The following RRAGC variants were observed in gnomAD, a reference collection of about 807,000 sequenced individuals.
RRAGC encodes the protein Ras related GTP binding C.
A neutral mutation model predicts 37.1 loss-of-function variants in RRAGC; 8 were observed. That is an observed-to-expected ratio of 0.22 (90% CI 0.13 to 0.39). The LOEUF is 0.39. RRAGC is among the 10% of genes least tolerant of loss of function. The pLI is 1.00. For synonymous variants in RRAGC, 190 were observed against 181.1 expected (o/e 1.05, Z -0.39); for missense variants, 342 against 497.6 (o/e 0.69, Z 2.98).
chr1:38,840,919 C>CTTG (rs1198736111), intron 6 of RRAGC, among the ~76,000 whole-genome samples: 9 of 150,660 alleles, frequency 6.0e-5, no homozygotes, highest in African/African-American at 2.2e-4. Context: ...AAATAAAAGA[C>CTTG]AATCAAGGAA....
chr1:38,855,628 C>A (rs1236148377), intron 3 of RRAGC, 80 bp downstream of exon 3: 29 of 1,126,772 alleles, frequency 2.6e-5, no homozygotes, highest in Non-Finnish European at 6.7e-6. Flanking sequence ...TAGCAGAAAG[C>A]TATGGTGTTT....
intron 5 of RRAGC, chr1:38,846,397 C>A (rs1642027898): frequency 1.6e-5 from 4 of 245,528 alleles, no homozygotes; most frequent in Admixed American, 1.2e-4. Flanking sequence ...CCAGGTGGGG[C>A]TACTCACCCC....
chr1:38,851,362 G>T, intron 5 of RRAGC: 1 of 283,750 alleles, frequency 3.5e-6, no homozygotes, highest in Non-Finnish European at 6.6e-6. Flanking sequence ...CACAACAGTG[G>T]GAGAAACTTG....
In RRAGC at chr1:38,855,829, C is replaced by G; in HGVS notation, c.520G>C (p.Glu174Gln). The G allele has an allele frequency of 6.2e-7, 1 of 1,613,920 alleles. No homozygotes were observed. The highest frequency in any genetic ancestry group is 8.5e-7 in the Non-Finnish European group (1 of 1,179,844). ...CCATCAACTTTGTGAATAAAAACCT[C>G]AAAATTCATGTCTGGGTTAACTTTG... is the stretch of plus-strand genomic sequence containing the variant. Reference protein sequence around the residue: ...AYKVNPDMNFEVFIHKVDGLS... With the variant: ...AYKVNPDMNFQVFIHKVDGLS... Residue 174 changes from glutamate to glutamine, a missense_variant, in exon 3 of 7, where the codon GAG becomes CAG. Physicochemically the swap from Glu to Gln is conservative, Grantham distance 29. Around this residue, in one of 3 missense-constraint regions of RRAGC, gnomAD observed 134 missense variants for 277.2 expected, o/e 0.48. Coordinates refer to ENST00000373001, the MANE Select transcript of RRAGC (RefSeq NM_022157.4).
At chr1:38,842,089 A>G (rs1641970591) in intron 6 of RRAGC, among the ~76,000 whole-genome samples, 1 of 152,096 alleles carries the variant, frequency 6.6e-6, no homozygotes, top group Non-Finnish European at 1.5e-5. Context: ...TGGCTAACAC[A>G]GTGAAACCCC....
intron 1 of RRAGC, among the ~76,000 whole-genome samples, chr1:38,858,555 G>A (rs1336641322): frequency 1.3e-5 from 2 of 152,126 alleles, no homozygotes; most frequent in African/African-American, 4.8e-5. Context: ...ATAATTAGCC[G>A]GGCGTGGTGG....
rs528508878 is a variant in RRAGC at position 38,859,490 on chromosome 1, C to T, written c.157G>A (p.Gly53Ser). 1 of 1,547,916 alleles carries T rather than the reference C, an allele frequency of 6.5e-7. No individual in the cohort carries two copies. The highest frequency in any genetic ancestry group is 2.0e-5 in the Admixed American group (1 of 50,992). The change falls in exon 1 of 7, where the codon GGT becomes AGT. Residue 53 changes from glycine (G) to serine (S), a missense_variant. Gly to Ser is a moderately conservative substitution (Grantham distance 56). Around this residue, in one of 3 missense-constraint regions of RRAGC, gnomAD observed 104 missense variants for 93.4 expected, o/e 1.11. Coordinates refer to ENST00000373001, the MANE Select transcript of RRAGC (RefSeq NM_022157.4). ...GVGAGAGGGC[G>S]PGGADSSKPR... ...TTGGAGCTGTCAGCGCCCCCCGGAC[C>T]ACAGCCACCGCCTGCCCCTGCCCCA...
chr1:38,856,633 C>T, intron 2 of RRAGC: 1 of 349,200 alleles, frequency 2.9e-6, no homozygotes, highest in Non-Finnish European at 5.1e-6. Context: ...AAGTGGAAAG[C>T]CAATGTTAGC....
Position 38,850,548 on chromosome 1 carries a change from A to G in RRAGC, c.899+1067T>C, listed in dbSNP as rs914197772. 3.3e-5 allele frequency among the ~76,000 whole-genome samples: 5 copies of G among 152,032 alleles called. No individual in the cohort carries two copies. The East Asian group carries it at 9.6e-4, about 29-fold the overall frequency. On this transcript the variant is annotated intron_variant, in intron 5 of 6. Coordinates refer to ENST00000373001, the MANE Select transcript of RRAGC (RefSeq NM_022157.4). ...TAAATAAATAAATAAATAAATAACA[A>G]AAGAGAGCATATAATCATAAAAGTT...
Position 38,839,417 on chromosome 1 carries a change from A to G in RRAGC, c.*136T>C. Reference sequence around the variant, plus strand: ...AGTTGAAGGGGTTTTCATCCAAATGAGAAACTCTACCCCTTGTCTCTAGTG... The same window carrying G: ...AGTTGAAGGGGTTTTCATCCAAATGGGAAACTCTACCCCTTGTCTCTAGTG... On this transcript the variant is annotated 3_prime_UTR_variant, in exon 7 of 7. Coordinates refer to ENST00000373001, the MANE Select transcript of RRAGC (RefSeq NM_022157.4). The G allele has an allele frequency of 1.2e-6, 1 of 827,330 alleles. No individual in the cohort carries two copies. The highest frequency in any genetic ancestry group is 1.7e-5 in the African/African-American group (1 of 58,454). The allele number at this position is 827,330 out of a possible 1,614,324, so 51.2% of individuals were successfully genotyped here.
chr1:38,856,665 G>T, intron 2 of RRAGC: 1 of 442,394 alleles, frequency 2.3e-6, no homozygotes, highest in East Asian at 3.5e-5. Context: ...TAGGACTCAA[G>T]GATGTAAACC....
rs769992874 is a variant in RRAGC at position 38,855,773 on chromosome 1, C to T, written c.576G>A (p.Gln192=). 17 of 1,613,976 alleles carry T rather than the reference C, an allele frequency of 1.1e-5. No homozygotes were observed. The highest frequency in any genetic ancestry group is 1.6e-4 in the Middle Eastern group (1 of 6,084). The change falls in exon 3 of 7, where the codon CAG becomes CAA. Residue 192 remains glutamine (Q), a synonymous_variant. Coordinates refer to ENST00000373001, the MANE Select transcript of RRAGC (RefSeq NM_022157.4). ...CATTGGCCCTTTGATGAATGTCCCTCTGTGTTTCTATTTTGTGATCATCAG... is the reference window on the plus strand; with the variant it reads ...CATTGGCCCTTTGATGAATGTCCCTTTGTGTTTCTATTTTGTGATCATCAG... ...GLSDDHKIET[Q]RDIHQRANDD... is the part of the protein sequence containing the mutation.
intron 5 of RRAGC, chr1:38,846,406 C>T (rs530539576): frequency 4.5e-6 from 1 of 221,976 alleles, no homozygotes; most frequent in Non-Finnish European, 8.7e-6. Context: ...GCTACTCACC[C>T]CCTAGACTGT....
Position 38,859,639 on chromosome 1 carries a change from A to C in RRAGC, c.8T>G (p.Leu3Arg). ...GGGCGTCTCCTCCGCCCCGTACTGC[A>C]GGGACATGGTGCTGGAGCCGCCGCC... MSLQYGAEETPLA... is the reference protein window; with the variant it reads MSRQYGAEETPLA... Residue 3 changes from leucine (L) to arginine (R), a missense_variant, in exon 1 of 7, where the codon CTG (leucine) becomes CGG (arginine). This residue lies in a region of RRAGC where 104 missense variants were observed against 93.4 expected (regional missense o/e 1.11). Coordinates refer to ENST00000373001, the MANE Select transcript of RRAGC (RefSeq NM_022157.4). 1 of 1,557,072 alleles carries C rather than the reference A, an allele frequency of 6.4e-7. No homozygotes were observed. Among genetic ancestry groups the C allele is most frequent in the Middle Eastern group, 2.0e-4 (1 of 5,044 alleles).
chr1:38,848,670 T>C (rs1160988465), intron 5 of RRAGC, among the ~76,000 whole-genome samples: 9 of 152,098 alleles, frequency 5.9e-5, no homozygotes, highest in African/African-American at 1.4e-4. Flanking sequence ...ATTAGGAAAA[T>C]ATGCTAATCT....
At chr1:38,854,530 G>A (rs1237032777) in intron 3 of RRAGC, among the ~76,000 whole-genome samples, 4 of 152,184 alleles carry the variant, frequency 2.6e-5, no homozygotes, top group Admixed American at 6.5e-5. Context: ...GAGCACTGGG[G>A]AACACAGGAC....
chr1:38,847,071 C>G (rs1642036494), intron 5 of RRAGC: 2 of 152,080 alleles, frequency 1.3e-5, no homozygotes, highest in South Asian at 4.1e-4. Context: ...GACTGTGCCA[C>G]TGCACTCCAG....
At position 38,854,781 on chromosome 1, in the gene RRAGC, G is replaced by C. The variant is rs532769527; in HGVS notation, c.641+927C>G. Among the ~76,000 whole-genome samples the C allele has an allele frequency of 1.1e-4, 16 of 152,318 alleles. No homozygotes were observed. In the South Asian group the frequency reaches 3.3e-3, roughly 32 times the overall value. The stretch of plus-strand genomic sequence containing the variant: ...GAAAGATCTTGGAGCCTGAGACCCA[G>C]AGAATTTTAGGGGGAGGGATAGCAG... On this transcript the variant is annotated intron_variant, in intron 3 of 6. Transcript: ENST00000373001.
chr1:38,859,738 A>ACCACCGCCACCGCCC lies in RRAGC; in HGVS notation c.-107_-93dup, dbSNP rs1642218221. The stretch of plus-strand genomic sequence containing the variant: ...CCAGTCCGCCTCCGCCGCCGCCGCC[A>ACCACCGCCACCGCCC]CCACCGCCACCGCCCCCGGCAGCCG... On this transcript the variant is annotated 5_prime_UTR_variant, in exon 1 of 7. Coordinates refer to ENST00000373001, the MANE Select transcript of RRAGC (RefSeq NM_022157.4). 5 of 1,083,998 alleles carry ACCACCGCCACCGCCC rather than the reference A, an allele frequency of 4.6e-6. No homozygotes were observed. The highest frequency in any genetic ancestry group is 4.5e-5 in the Admixed American group (1 of 22,212). 67.1% of individuals were successfully genotyped at this position (1,083,998 alleles called of 1,614,324 possible). A position where few individuals can be genotyped will look rare whatever the true frequency, so the allele number is the denominator to read the frequency against.
Sources: allele counts gnomAD v4.1 joint callset (sites outside exome capture counted in the v4.1 genomes callset), GRCh38; gene constraint gnomAD v4.1.1; regional missense constraint gnomAD v4.1.1; transcripts MANE v1.5; gene names NCBI Gene and HGNC (gene_info 2026-07-23, HGNC 2026-07-21).